The following SSBP2 variants were observed in gnomAD, a reference collection of about 807,000 sequenced individuals.
SSBP2 encodes single stranded DNA binding protein 2.
A neutral mutation model predicts 61.8 loss-of-function variants in SSBP2; 17 were observed. The ratio of observed to expected loss-of-function variants is 0.28; its 90% CI spans 0.19 to 0.41. The LOEUF (loss-of-function observed/expected upper bound fraction) is 0.41. SSBP2 is among the 10% of genes least tolerant of loss of function. The probability of loss-of-function intolerance (pLI) is 1.00; values close to 1 mark genes in which losing one functional copy is unlikely to be tolerated. For synonymous variants in SSBP2, 139 were observed against 141.3 expected, an observed-to-expected ratio of 0.98 and a Z score of 0.12; for missense variants, 310 against 458.7, an observed-to-expected ratio of 0.68 and a Z score of 2.96.
chr5:81,618,028 G>A lies in SSBP2; in HGVS notation c.198-2471C>T, dbSNP rs1259471486. On this transcript the variant is annotated intron_variant, in intron 3 of 16. Transcript: ENST00000320672. ...AAAATGTAAAGACCATCGAGACTAG[G>A]AAGAAACCGCATCAACCAATGAGCA... is the stretch of plus-strand genomic sequence containing the variant. 6.4e-5 allele frequency among the ~76,000 whole-genome samples: 8 copies of A among 124,124 alleles called. No individual in the cohort carries two copies. In the South Asian group the frequency reaches 2.2e-3, roughly 33 times the overall value. The allele number at this position is 124,124 out of a possible 152,430, so 81.4% of individuals were successfully genotyped here. A position where few individuals can be genotyped will look rare whatever the true frequency, so the allele number is the denominator to read the frequency against.
chr5:81,738,171 C>T (rs1756747581), intron 1 of SSBP2, among the ~76,000 whole-genome samples: 1 of 152,144 alleles, frequency 6.6e-6, no homozygotes, highest in African/African-American at 2.4e-5. Flanking sequence ...AGATGGGTAG[C>T]ACATATGAAG....
At chr5:81,610,479 G>C (rs1235098470) in intron 4 of SSBP2, among the ~76,000 whole-genome samples, 1 of 152,128 alleles carries the variant, frequency 6.6e-6, no homozygotes, top group African/African-American at 2.4e-5. Context: ...AAGAGATTCT[G>C]AGTCTTTCCT....
intron 4 of SSBP2, among the ~76,000 whole-genome samples, chr5:81,595,156 GA>G (rs1743582681): frequency 6.6e-6 from 1 of 152,076 alleles, no homozygotes; most frequent in Admixed American, 6.5e-5. Context: ...TGATAAAGGG[GA>G]TATCACCACC....
intron 1 of SSBP2, among the ~76,000 whole-genome samples, chr5:81,692,798 A>G (rs114791287): frequency 0.017 from 2,611 of 152,128 alleles, 83 homozygotes; most frequent in African/African-American, 0.06. Context: ...AAAACTGGAT[A>G]TTTATATGCA....
intron 4 of SSBP2, among the ~76,000 whole-genome samples, chr5:81,553,002 G>C (rs1369976964): frequency 6.6e-6 from 1 of 152,152 alleles, no homozygotes; most frequent in Non-Finnish European, 1.5e-5. Flanking sequence ...CAGCACAGTA[G>C]CAGTTCAGGA....
intron 1 of SSBP2, among the ~76,000 whole-genome samples, chr5:81,693,276 T>C (rs1753357827): frequency 6.7e-6 from 1 of 150,090 alleles, no homozygotes; most frequent in Non-Finnish European, 1.5e-5. Context: ...CAAAGGTTTA[T>C]TGAGGAATAC....
chr5:81,501,165 C>T lies in SSBP2; in HGVS notation c.373-11856G>A, dbSNP rs371631822. ...GGCAGATGTTGTGGTGAGCTGAGAT[C>T]GCACCACTGTACTCCAGCCTGGGTG... On this transcript the variant is annotated intron_variant, in intron 5 of 16. Transcript: ENST00000320672. 2.4e-3 allele frequency among the ~76,000 whole-genome samples: 322 copies of T among 134,470 alleles called. 2 individuals are homozygous for T. The highest frequency in any genetic ancestry group is 7.1e-3 in the African/African-American group (265 of 37,520). 88.2% of individuals were successfully genotyped at this position (134,470 alleles called of 152,430 possible).
chr5:81,584,891 A>G (rs1015947274), intron 4 of SSBP2, among the ~76,000 whole-genome samples: 11 of 152,196 alleles, frequency 7.2e-5, no homozygotes, highest in African/African-American at 2.7e-4. Flanking sequence ...TCCATATAGC[A>G]TATAATGCTG....
rs1458934826 is a variant in SSBP2, at chr5:81,694,904, G to T, written c.63-44565C>A. Among the ~76,000 whole-genome samples the T allele has an allele frequency of 2.0e-5, 3 of 152,172 alleles. No individual in the cohort carries two copies. The East Asian group carries it at 5.8e-4, about 29-fold the overall frequency. ...CTTGTACTTCTAGCTACTCAGGAAG[G>T]CAGGAGGATTGTTTGAGCCCAGGAG... On this transcript the variant is annotated intron_variant, in intron 1 of 16. Coordinates refer to ENST00000320672, the MANE Select transcript of SSBP2 (RefSeq NM_012446.5).
chr5:81,741,804 T>G (rs149277323), intron 1 of SSBP2, among the ~76,000 whole-genome samples: 120 of 152,324 alleles, frequency 7.9e-4, no homozygotes, highest in African/African-American at 2.7e-3. Flanking sequence ...ACTTTTAGAG[T>G]TAAGTAATTT....
rs1218485941 is a variant in SSBP2, at chr5:81,614,108, C to G, written c.282+1365G>C. Among the ~76,000 whole-genome samples, 4 of 152,104 alleles carry G rather than the reference C, an allele frequency of 2.6e-5. No individual in the cohort carries two copies. The East Asian group carries it at 7.7e-4, about 29-fold the overall frequency. On this transcript the variant is annotated intron_variant, in intron 4 of 16. Coordinates refer to ENST00000320672, the MANE Select transcript of SSBP2 (RefSeq NM_012446.5). ...GGGCGCGGTGGCTCACGCCTGTAAT[C>G]CCAGCACTTTGGGAGGCCGAGGCGG... is the stretch of plus-strand genomic sequence containing the variant.
intron 4 of SSBP2, among the ~76,000 whole-genome samples, chr5:81,560,848 C>T (rs991164452): frequency 6.6e-6 from 1 of 152,030 alleles, no homozygotes; most frequent in African/African-American, 2.4e-5. Context: ...GATATACATA[C>T]ACATTGTGGT....
At chr5:81,654,837 G>A (rs985432876) in intron 1 of SSBP2, among the ~76,000 whole-genome samples, 1 of 152,010 alleles carries the variant, frequency 6.6e-6, no homozygotes, top group Non-Finnish European at 1.5e-5. Flanking sequence ...CCAAACAGAA[G>A]AACTCAACAT....
chr5:81,697,135 T>C (rs1753656177), intron 1 of SSBP2, among the ~76,000 whole-genome samples: 2 of 152,254 alleles, frequency 1.3e-5, no homozygotes, highest in African/African-American at 2.4e-5. Context: ...AAAGATGTTA[T>C]CTACCCAAGA....
At chr5:81,661,090 G>C (rs767587730) in intron 1 of SSBP2, among the ~76,000 whole-genome samples, 4 of 152,172 alleles carry the variant, frequency 2.6e-5, no homozygotes, top group Non-Finnish European at 4.4e-5. Context: ...CAGGTTGATA[G>C]GTACAGCAAA....
intron 5 of SSBP2, among the ~76,000 whole-genome samples, chr5:81,493,768 A>AC (rs377017529): frequency 6.9e-6 from 1 of 144,324 alleles, no homozygotes; most frequent in African/African-American, 2.7e-5. Context: ...AAAAAAAAAT[A>AC]AAATAAAATT....
chr5:81,523,614 T>C (rs968534328), intron 4 of SSBP2, among the ~76,000 whole-genome samples: 5 of 152,058 alleles, frequency 3.3e-5, no homozygotes, highest in African/African-American at 9.7e-5. Context: ...TGAAATATCA[T>C]TGAGATATTT....
At chr5:81,632,576 C>CACAAGGGTA (rs1260747882) in intron 3 of SSBP2, among the ~76,000 whole-genome samples, 5 of 152,146 alleles carry the variant, frequency 3.3e-5, no homozygotes, top group African/African-American at 1.2e-4. Flanking sequence ...CTCCTCTTGC[C>CACAAGGGTA]ACAAGGGTAG....
chr5:81,508,914 C>T (rs1237349675), intron 5 of SSBP2, among the ~76,000 whole-genome samples: 3 of 152,106 alleles, frequency 2.0e-5, no homozygotes, highest in Non-Finnish European at 4.4e-5. Flanking sequence ...TTCACTAATT[C>T]TAATAGGCTA....
Sources: allele counts gnomAD v4.1 joint callset (sites outside exome capture counted in the v4.1 genomes callset), GRCh38; gene constraint gnomAD v4.1.1; transcripts MANE v1.5; gene names NCBI Gene and HGNC (gene_info 2026-07-23, HGNC 2026-07-21).